Variants in CLBA1 observed in about 807,000 individuals in gnomAD.
CLBA1 encodes the protein clathrin binding box of aftiphilin containing 1.
CLBA1 carries 30 observed loss-of-function variants against 28.8 expected under a neutral mutation model. That is an observed-to-expected ratio of 1.04 (90% CI 0.78 to 1.41). The LOEUF (loss-of-function observed/expected upper bound fraction) is 1.41, where lower values mean the gene tolerates loss of function less well. CLBA1 is among the 40% of genes most tolerant of loss of function. The pLI is 0.00. For missense variants in CLBA1, 451 were observed against 412.3 expected, an observed-to-expected ratio of 1.09 and a Z score of -0.81; for synonymous variants, 160 against 152.8, an observed-to-expected ratio of 1.05 and a Z score of -0.35.
downstream of CLBA1, chr14:104,999,257 T>A (rs902528211): frequency 2.0e-6 from 2 of 984,382 alleles, no homozygotes; most frequent in Admixed American, 1.2e-4. Flanking sequence ...CTGACCTGAG[T>A]GACACTGCAA....
chr14:104,992,839 A>G, intron 3 of CLBA1, 109 bp from the exon 4 acceptor site: 1 of 916,208 alleles, frequency 1.1e-6, no homozygotes, highest in South Asian at 1.3e-5. Flanking sequence ...GAGGGGCCTG[A>G]GAGAACTTTG....
rs930665854 is a variant in CLBA1 at position 104,994,942 on chromosome 14, T to C, written c.*183T>C. The C allele has an allele frequency of 3.8e-6, 5 of 1,310,330 alleles. No individual in the cohort carries two copies. In the African/African-American group the frequency reaches 6.1e-5, roughly 16 times the overall value. The allele number at this position is 1,310,330 out of a possible 1,614,324, so 81.2% of individuals were successfully genotyped here. A position where few individuals can be genotyped will look rare whatever the true frequency, so the allele number is the denominator to read the frequency against. On this transcript the variant is annotated 3_prime_UTR_variant, in exon 5 of 5. Coordinates refer to ENST00000547315, the MANE Select transcript of CLBA1 (RefSeq NM_174891.4). ...GGGTCTGACCAGGAGATGGAGGATG[T>C]GTCCTTGGCAGAGCCAAGGGGAGAC...
In CLBA1 at chr14:104,986,051, C is replaced by A. The variant is rs867303038; in HGVS notation, c.-381C>A. The A allele has an allele frequency of 2.3e-5, 6 of 258,134 alleles. No homozygotes were observed. Among genetic ancestry groups the A allele is most frequent in the Non-Finnish European group, 4.6e-5 (6 of 131,572 alleles). The allele number at this position is 258,134 out of a possible 1,614,324, so 16.0% of individuals were successfully genotyped here. Reference sequence around the variant, plus strand: ...CCCACTTGGGACTCCCGCGGGCGCCCGGCTCTCGCTCCTCTGGCCAGCGTG... The same window carrying A: ...CCCACTTGGGACTCCCGCGGGCGCCAGGCTCTCGCTCCTCTGGCCAGCGTG... On this transcript the variant is annotated 5_prime_UTR_variant, in exon 1 of 5. Coordinates refer to ENST00000547315, the MANE Select transcript of CLBA1 (RefSeq NM_174891.4).
chr14:104,991,323 C>A (rs1418071280), intron 2 of CLBA1, 168 bp from the exon 3 acceptor site: 10 of 694,908 alleles, frequency 1.4e-5, no homozygotes, highest in Non-Finnish European at 2.3e-5. Context: ...TGTGCCCAGC[C>A]CGGGAACACT....
rs749500613 is a variant in CLBA1 at position 104,985,892 on chromosome 14, CTCTCGGGAG to C, written c.-539_-531del. 1.4e-5 allele frequency: 3 copies of C among 216,378 alleles called. No individual in the cohort carries two copies. The highest frequency in any genetic ancestry group is 2.0e-5 in the Non-Finnish European group (2 of 101,882). 13.4% of individuals were successfully genotyped at this position (216,378 alleles called of 1,614,324 possible). ...GCGGCGACCAAGGTGGGTGCGGGGA[CTCTCGGGAG>C]CCGTGGGCCAGGCGCTTAGCCGGCC... is the stretch of plus-strand genomic sequence containing the variant. On this transcript the variant is annotated 5_prime_UTR_variant, in exon 1 of 5. Coordinates refer to ENST00000547315, the MANE Select transcript of CLBA1 (RefSeq NM_174891.4).
At chr14:104,986,961 C>A (rs1899883996) in intron 1 of CLBA1, 107 bp downstream of exon 1, 1 of 1,317,510 alleles carries the variant, frequency 7.6e-7, no homozygotes, top group East Asian at 2.3e-5. Context: ...GGGCTGACAG[C>A]CCCAGAGCGT....
chr14:104,996,231 C>T (rs543830127), downstream of CLBA1, among the ~76,000 whole-genome samples: 13 of 152,316 alleles, frequency 8.5e-5, no homozygotes, highest in South Asian at 2.7e-3. Flanking sequence ...CTGTGGCACC[C>T]ACTAGAGAAG....
chr14:104,989,748 G>C (rs1899967491), intron 2 of CLBA1: 3 of 451,480 alleles, frequency 6.6e-6, no homozygotes, highest in South Asian at 1.6e-5. Flanking sequence ...GGGAAGTGAA[G>C]GTTGGGGTGA....
intron 3 of CLBA1, among the ~76,000 whole-genome samples, chr14:104,992,443 C>T (rs1900060634): frequency 6.6e-6 from 1 of 152,268 alleles, no homozygotes; most frequent in African/African-American, 2.4e-5. Context: ...GCCAGCCAGG[C>T]AGGCAGATTG....
chr14:105,000,096 AG>A, downstream of CLBA1, among the ~76,000 whole-genome samples: 1 of 152,222 alleles, frequency 6.6e-6, no homozygotes, highest in African/African-American at 2.4e-5. Context: ...GAGGAAAAGC[AG>A]GCAGCCTCTG....
At chr14:104,997,809 G>C (rs1379636777), downstream of CLBA1, among the ~76,000 whole-genome samples, 1 of 152,148 alleles carries the variant, frequency 6.6e-6, no homozygotes, top group African/African-American at 2.4e-5. Context: ...AGGAGTTTGA[G>C]ACCAGCCTGG....
chr14:104,989,503 G>A (rs1030131285), intron 2 of CLBA1: 27 of 444,032 alleles, frequency 6.1e-5, no homozygotes, highest in Admixed American at 6.0e-4. Flanking sequence ...TCTAGAAAAC[G>A]TTCCACACTC....
intron 4 of CLBA1, 199 bp from the exon 5 acceptor site, chr14:104,994,399 C>T (rs1260265332): frequency 2.0e-6 from 2 of 985,372 alleles, no homozygotes; most frequent in Non-Finnish European, 2.4e-6. Context: ...GAGCCACAGA[C>T]TGCACCATGA....
chr14:104,987,153 TG>T (rs1311482112), intron 1 of CLBA1, among the ~76,000 whole-genome samples: 1 of 152,256 alleles, frequency 6.6e-6, no homozygotes, highest in East Asian at 1.9e-4. Context: ...TCCCCATTGG[TG>T]GGGGCTGCAC....
chr14:104,994,876 ATC>A lies in CLBA1; in HGVS notation c.*122_*123del, dbSNP rs1032558795. On this transcript the variant is annotated 3_prime_UTR_variant, in exon 5 of 5. Coordinates refer to ENST00000547315, the MANE Select transcript of CLBA1 (RefSeq NM_174891.4). ...TCCAGACCCCAGGCCCATTCCTGGG[ATC>A]TCTCCAACAGGACCTGTCCTGTGTT... is the stretch of plus-strand genomic sequence containing the variant. The A allele has an allele frequency of 2.0e-6, 3 of 1,463,488 alleles. No homozygotes were observed. The highest frequency in any genetic ancestry group is 2.7e-6 in the Non-Finnish European group (3 of 1,113,482). The allele number at this position is 1,463,488 out of a possible 1,614,324, so 90.7% of individuals were successfully genotyped here.
At chr14:104,991,958 GCACACGCCGCCACA>G (rs1230797340) in intron 3 of CLBA1, among the ~76,000 whole-genome samples, 67 of 149,166 alleles carry the variant, frequency 4.5e-4, no homozygotes, top group Non-Finnish European at 2.5e-4. Context: ...ACGCCGCCAC[GCACACGCCGCCACA>G]CACACGCCTC....
rs1899865875 is a variant in CLBA1 at position 104,986,513 on chromosome 14, C to G, written c.82C>G (p.Pro28Ala). The G allele has an allele frequency of 6.2e-7, 1 of 1,613,858 alleles. No homozygotes were observed. Among genetic ancestry groups the G allele is most frequent in the South Asian group, 1.1e-5 (1 of 91,076 alleles). Residue 28 changes from proline (P) to alanine (A), a missense_variant, in exon 1 of 5, where the codon CCT (proline) becomes GCT (alanine). Pro to Ala is a conservative substitution (Grantham distance 27). Coordinates refer to ENST00000547315, the MANE Select transcript of CLBA1 (RefSeq NM_174891.4). ...EAASASLRVA[P>A]ERLSDDSLEW... ...AGCCAGCGCTTCCCTCCGAGTGGCA[C>G]CTGAGAGGCTGAGTGATGACAGTTT...
In CLBA1 at chr14:104,994,593, C is replaced by T. The variant is rs1900122250; in HGVS notation, c.817-5C>T. 1 of 1,604,034 alleles carries T rather than the reference C, an allele frequency of 6.2e-7. No individual in the cohort carries two copies. Among genetic ancestry groups the T allele is most frequent in the Non-Finnish European group, 8.5e-7 (1 of 1,178,386 alleles). ...GCGCGCCTGACTGCTGTCCTCTCATCTCAGCTCTCGGGGCCGCCTGGCAGC... is the reference window on the plus strand; with the variant it reads ...GCGCGCCTGACTGCTGTCCTCTCATTTCAGCTCTCGGGGCCGCCTGGCAGC... On this transcript the variant is annotated splice_polypyrimidine_tract_variant and splice_region_variant and intron_variant, in intron 4 of 4. Coordinates refer to ENST00000547315, the MANE Select transcript of CLBA1 (RefSeq NM_174891.4).
chr14:104,992,160 CACCACATGCCACCATGCACACACT>C (rs1162291329), intron 3 of CLBA1, among the ~76,000 whole-genome samples: 6 of 148,950 alleles, frequency 4.0e-5, no homozygotes, highest in Admixed American at 2.0e-4. Context: ...CCTCACACAC[CACCACATGCCACCATGCACACACT>C]GCCACGGCCA....
Sources: allele counts gnomAD v4.1 joint callset (sites outside exome capture counted in the v4.1 genomes callset), GRCh38; gene constraint gnomAD v4.1.1; transcripts MANE v1.5; gene names NCBI Gene and HGNC (gene_info 2026-07-23, HGNC 2026-07-21).